The following RBFOX1 variants were observed in gnomAD, a reference collection of about 807,000 sequenced individuals.
The protein encoded by RBFOX1 is RNA binding protein fox-1 homolog 1.
RBFOX1 carries 8 observed loss-of-function variants against 57.7 expected under a neutral mutation model. The observed-to-expected ratio is 0.14, with a 90% CI of 0.08 to 0.25. The LOEUF (loss-of-function observed/expected upper bound fraction) is 0.25, where lower values mean the gene tolerates loss of function less well. RBFOX1 is among the 10% of genes least tolerant of loss of function. The probability of loss-of-function intolerance (pLI) is 1.00; values close to 1 mark genes in which losing one functional copy is unlikely to be tolerated. For synonymous variants in RBFOX1, 326 were observed against 222.4 expected (o/e 1.47, Z -4.15); for missense variants, 611 against 548.5 (o/e 1.11, Z -1.14).
intron 3 of RBFOX1, among the ~76,000 whole-genome samples, chr16:5,676,324 C>G (rs1045567866): frequency 3.3e-5 from 5 of 151,996 alleles, no homozygotes; most frequent in African/African-American, 7.2e-5. Context: ...TCTATACTTG[C>G]ATCTATCACT....
chr16:7,273,200 C>CCTTCCTT (rs2095366830), intron 4 of RBFOX1, among the ~76,000 whole-genome samples: 1 of 53,344 alleles, frequency 1.9e-5, no homozygotes, highest in African/African-American at 7.8e-5. Context: ...CTTCCTTCCT[C>CCTTCCTT]CCTCCCTTCC....
At chr16:7,301,565 G>C (rs1030999872) in intron 4 of RBFOX1, among the ~76,000 whole-genome samples, 2 of 152,192 alleles carry the variant, frequency 1.3e-5, no homozygotes, top group Non-Finnish European at 2.9e-5. Flanking sequence ...TATTGCCTTA[G>C]TGCAGCCAAG....
At chr16:6,939,001 A>G (rs112289260) in intron 3 of RBFOX1, among the ~76,000 whole-genome samples, 1 of 152,134 alleles carries the variant, frequency 6.6e-6, no homozygotes, top group Non-Finnish European at 1.5e-5. Context: ...CTGTTCTTGT[A>G]GTCACTTTCC....
At chr16:7,138,708 T>C (rs560695288) in intron 4 of RBFOX1, among the ~76,000 whole-genome samples, 86 of 152,314 alleles carry the variant, frequency 5.6e-4, no homozygotes, top group African/African-American at 1.9e-3. Flanking sequence ...CTCCCAGATA[T>C]ATAGGCTGCA....
intron 4 of RBFOX1, among the ~76,000 whole-genome samples, chr16:5,904,620 A>G (rs149277978): frequency 6.6e-5 from 10 of 151,968 alleles, no homozygotes; most frequent in African/African-American, 2.4e-4. Flanking sequence ...AAAGACTTCT[A>G]TGTTGAGGTC....
chr16:7,132,163 T>C (rs1303367658), intron 4 of RBFOX1, among the ~76,000 whole-genome samples: 1 of 152,036 alleles, frequency 6.6e-6, no homozygotes, highest in African/African-American at 2.4e-5. Context: ...GTATTGTTAA[T>C]GGAGATGGGG....
intron 3 of RBFOX1, among the ~76,000 whole-genome samples, chr16:5,710,543 C>T (rs1028116629): frequency 6.6e-6 from 1 of 152,204 alleles, no homozygotes; most frequent in East Asian, 1.9e-4. Context: ...CATGGGTTCT[C>T]TCAAGGCAGC....
chr16:5,313,827 C>G (rs191939213), intron 1 of RBFOX1, among the ~76,000 whole-genome samples: 1 of 147,068 alleles, frequency 6.8e-6, no homozygotes. Context: ...GAATTACAAT[C>G]AAAGATGAGA....
intron 3 of RBFOX1, among the ~76,000 whole-genome samples, chr16:5,783,207 G>A (rs1445876285): frequency 5.3e-5 from 8 of 152,030 alleles, no homozygotes; most frequent in African/African-American, 1.4e-4. Flanking sequence ...AATAAAATTC[G>A]GCTCTTGAAG....
intron 5 of RBFOX1, among the ~76,000 whole-genome samples, chr16:7,530,392 G>A (rs1053074460): frequency 1.3e-5 from 2 of 151,968 alleles, no homozygotes; most frequent in East Asian, 1.9e-4. Context: ...TTAGAAGCAC[G>A]CTGAGCTGTA....
chr16:6,789,451 A>G (rs1445328549), intron 3 of RBFOX1, among the ~76,000 whole-genome samples: 2 of 152,142 alleles, frequency 1.3e-5, no homozygotes, highest in East Asian at 1.9e-4. Context: ...GGCGAGAGAA[A>G]CACTAATGGT....
intron 4 of RBFOX1, among the ~76,000 whole-genome samples, chr16:7,240,959 A>G (rs1274402124): frequency 1.3e-5 from 2 of 152,364 alleles, no homozygotes; most frequent in African/African-American, 2.4e-5. Flanking sequence ...TTGTTGGAAC[A>G]TTCTACTTTT....
At chr16:5,798,985 C>G (rs2054971041) in intron 3 of RBFOX1, among the ~76,000 whole-genome samples, 1 of 152,170 alleles carries the variant, frequency 6.6e-6, no homozygotes, top group Non-Finnish European at 1.5e-5. Context: ...GATCCTTCCT[C>G]TGCAAAAGGG....
Position 6,701,293 on chromosome 16 carries a change from G to A in RBFOX1, c.-16+46643G>A, listed in dbSNP as rs191268709. 3.0e-3 allele frequency among the ~76,000 whole-genome samples: 464 copies of A among 152,366 alleles called. 9 individuals are homozygous for A. Among genetic ancestry groups the A allele is most frequent in the Admixed American group, 0.028 (436 of 15,304 alleles). The stretch of plus-strand genomic sequence containing the variant: ...GACGCAGGCCCTGAAGGGGCTGACA[G>A]CTGTGGCTGCCTGCTGACGTCACCC... On this transcript the variant is annotated intron_variant, in intron 3 of 15. Transcript: ENST00000550418.
chr16:6,813,443 G>C (rs564276283), intron 3 of RBFOX1, among the ~76,000 whole-genome samples: 20 of 152,162 alleles, frequency 1.3e-4, no homozygotes, highest in African/African-American at 4.6e-4. Context: ...CTCTAGTTTG[G>C]GGACCCCAGC....
At chr16:7,225,905 A>AATATATATAT (rs1555600461) in intron 4 of RBFOX1, among the ~76,000 whole-genome samples, 5 of 93,720 alleles carry the variant, frequency 5.3e-5, no homozygotes, top group South Asian at 3.2e-4. Flanking sequence ...AAGTATAATA[A>AATATATATAT]ATATATATAT....
chr16:6,885,151 C>T (rs2063728362), intron 3 of RBFOX1, among the ~76,000 whole-genome samples: 1 of 152,148 alleles, frequency 6.6e-6, no homozygotes, highest in Admixed American at 6.5e-5. Context: ...ACTGGACCGC[C>T]TCCTCCTTCC....
chr16:6,564,010 C>T (rs1313656557), intron 2 of RBFOX1, among the ~76,000 whole-genome samples: 1 of 152,040 alleles, frequency 6.6e-6, no homozygotes, highest in African/African-American at 2.4e-5. Flanking sequence ...CTACAGCACC[C>T]ATGTTGTTTC....
chr16:6,535,504 C>T (rs1484082322), intron 2 of RBFOX1, among the ~76,000 whole-genome samples: 2 of 152,340 alleles, frequency 1.3e-5, no homozygotes, highest in Middle Eastern at 3.4e-3. Context: ...CTCCCATTCC[C>T]TATAAACTCC....
Sources: gnomAD v4.1 joint callset for allele counts (sites outside exome capture counted in the v4.1 genomes callset) on GRCh38, gnomAD v4.1.1 for gene constraint, MANE v1.5 for transcripts, NCBI Gene and HGNC (gene_info 2026-07-23, HGNC 2026-07-21) for gene names.